Variants in BTG4 observed in about 807,000 individuals in gnomAD.
The protein encoded by BTG4 is protein BTG4.
BTG4 carries 10 observed loss-of-function variants against 19.3 expected under a neutral mutation model. That is an observed-to-expected ratio of 0.52 (90% confidence interval 0.32 to 0.88). BTG4 has a LOEUF of 0.88. BTG4 is among the 40% of genes least tolerant of loss of function. BTG4 has a pLI of 0.04. For missense variants in BTG4, 238 were observed against 281.9 expected, an observed-to-expected ratio of 0.84 and a Z score of 1.11; for synonymous variants, 91 against 95.7, an observed-to-expected ratio of 0.95 and a Z score of 0.29.
the BTG4 span, chr11:111,460,247 G>A: frequency 6.6e-6 from 1 of 152,592 alleles, no homozygotes; most frequent in Admixed American, 6.5e-5. Context: ...TCAAGCCATA[G>A]ACCCCTGGAC....
the BTG4 span, among the ~76,000 whole-genome samples, chr11:111,432,267 C>T: frequency 2.0e-5 from 3 of 152,128 alleles, no homozygotes; most frequent in Non-Finnish European, 4.4e-5. Flanking sequence ...GTCCCTGCCT[C>T]CCGGATCACT....
intron 1 of BTG4, among the ~76,000 whole-genome samples, chr11:111,509,047 A>C (rs1866660843): frequency 6.6e-6 from 1 of 152,172 alleles, no homozygotes; most frequent in South Asian, 2.1e-4. Flanking sequence ...AAGATAAATT[A>C]ACATTTTATA....
At chr11:111,408,769 C>G in the BTG4 span, among the ~76,000 whole-genome samples, 2 of 152,214 alleles carry the variant, frequency 1.3e-5, no homozygotes, top group Non-Finnish European at 2.9e-5. Context: ...TTCACCTATA[C>G]AAAGACATTT....
the BTG4 span, among the ~76,000 whole-genome samples, chr11:111,437,769 T>G: frequency 1.3e-5 from 2 of 152,052 alleles, no homozygotes; most frequent in Non-Finnish European, 2.9e-5. Context: ...CATCCTGGGG[T>G]CTCTTACTTG....
the BTG4 span, among the ~76,000 whole-genome samples, chr11:111,423,600 G>T: frequency 6.6e-6 from 1 of 152,312 alleles, no homozygotes; most frequent in South Asian, 2.1e-4. Context: ...ACAGGCAGCT[G>T]AGCCCAAGCT....
At chr11:111,461,188 T>C in the BTG4 span, among the ~76,000 whole-genome samples, 1 of 152,182 alleles carries the variant, frequency 6.6e-6, no homozygotes, top group South Asian at 2.1e-4. Flanking sequence ...CTGGTTACGT[T>C]TCAGAAACTG....
At chr11:111,477,057 C>A (rs1864436621) in intron 5 of BTG4, among the ~76,000 whole-genome samples, 1 of 152,134 alleles carries the variant, frequency 6.6e-6, no homozygotes, top group Non-Finnish European at 1.5e-5. Flanking sequence ...AACTTAAAGA[C>A]CTTTTTTCTA....
the BTG4 span, chr11:111,462,155 GAC>G: frequency 6.6e-6 from 1 of 152,450 alleles, no homozygotes; most frequent in African/African-American, 2.4e-5. Context: ...TCTCAGAAAA[GAC>G]ACAGTCCCAA....
intron 5 of BTG4, among the ~76,000 whole-genome samples, chr11:111,482,794 A>G (rs1864820369): frequency 6.6e-6 from 1 of 152,036 alleles, no homozygotes; most frequent in Non-Finnish European, 1.5e-5. Flanking sequence ...CAAAAAATTA[A>G]CTCAAAATAG....
At chr11:111,443,958 T>A in the BTG4 span, among the ~76,000 whole-genome samples, 2 of 152,290 alleles carry the variant, frequency 1.3e-5, no homozygotes, top group East Asian at 3.9e-4. Flanking sequence ...CACAACCACC[T>A]CTGCAAGCAT....
chr11:111,491,542 G>C (rs2135636238), downstream of BTG4, among the ~76,000 whole-genome samples: 1 of 152,170 alleles, frequency 6.6e-6, no homozygotes, highest in Middle Eastern at 3.4e-3. Flanking sequence ...GAGCTCAGGA[G>C]TTCAAGGCCA....
At chr11:111,412,946 G>A in the BTG4 span, among the ~76,000 whole-genome samples, 6 of 152,164 alleles carry the variant, frequency 3.9e-5, no homozygotes, top group Non-Finnish European at 2.9e-5. Flanking sequence ...GGTTACCTCA[G>A]GCAAATTTTA....
chr11:111,481,563 G>C (rs982157879), intron 5 of BTG4, among the ~76,000 whole-genome samples: 4 of 151,718 alleles, frequency 2.6e-5, no homozygotes, highest in African/African-American at 9.7e-5. Context: ...GAATATAAAT[G>C]TAAAAACCCT....
the BTG4 span, among the ~76,000 whole-genome samples, chr11:111,420,358 A>G: frequency 7.9e-5 from 12 of 152,252 alleles, no homozygotes; most frequent in Admixed American, 3.9e-4. Flanking sequence ...TGAGGAGATC[A>G]TAGCCAACAA....
intron 1 of BTG4, among the ~76,000 whole-genome samples, chr11:111,499,286 G>A (rs1865922469): frequency 6.6e-6 from 1 of 152,194 alleles, no homozygotes; most frequent in South Asian, 2.1e-4. Context: ...AGACTTAGAA[G>A]ACCAACCGCA....
intron 1 of BTG4, among the ~76,000 whole-genome samples, chr11:111,506,670 T>C (rs2135726774): frequency 6.6e-6 from 1 of 152,240 alleles, no homozygotes; most frequent in Non-Finnish European, 1.5e-5. Context: ...AAAATGTTCC[T>C]ATGTGCAACA....
chr11:111,430,282 G>A, the BTG4 span, among the ~76,000 whole-genome samples: 46,953 of 151,948 alleles, frequency 0.31, 7,321 homozygotes, highest in Middle Eastern at 0.37. Flanking sequence ...GTCCAGTAAG[G>A]TGGGACAACT....
the BTG4 span, chr11:111,414,831 C>T: frequency 6.6e-6 from 1 of 152,230 alleles, no homozygotes; most frequent in Non-Finnish European, 1.5e-5. Context: ...GGGCAGCCAA[C>T]TTGTACCTCC....
the BTG4 span, among the ~76,000 whole-genome samples, chr11:111,409,218 C>A: frequency 2.6e-5 from 4 of 152,106 alleles, no homozygotes; most frequent in South Asian, 8.3e-4. Context: ...ATGATAGGAG[C>A]TGGAAAAGGA....
Sources: allele counts gnomAD v4.1 joint callset (sites outside exome capture counted in the v4.1 genomes callset), GRCh38; gene constraint gnomAD v4.1.1; transcripts MANE v1.5; gene names NCBI Gene and HGNC (gene_info 2026-07-23, HGNC 2026-07-21).